STOM: variants seen among roughly 807,000 people sequenced by gnomAD.
STOM encodes the protein stomatin, also known as erythrocyte band 7 integral membrane protein.
STOM carries 25 observed loss-of-function variants against 30.6 expected under a neutral mutation model. That is an observed-to-expected ratio of 0.82 (90% CI 0.60 to 1.14). STOM has a LOEUF of 1.14. STOM is among the 50% of genes most tolerant of loss of function. The pLI, the probability that STOM is intolerant of heterozygous loss-of-function variation, is 0.00. For synonymous variants in STOM, 118 were observed against 130.8 expected (o/e 0.90, Z 0.67); for missense variants, 292 against 365.2 (o/e 0.80, Z 1.63).
intron 2 of STOM, among the ~76,000 whole-genome samples, chr9:121,355,796 C>T (rs1174033114): frequency 6.6e-6 from 1 of 152,240 alleles, no homozygotes. Flanking sequence ...AACCATCTCA[C>T]ATCCCTGGCC....
At chr9:121,341,734 C>CT (rs1442419554) in intron 6 of STOM, among the ~76,000 whole-genome samples, 1 of 152,160 alleles carries the variant, frequency 6.6e-6, no homozygotes, top group Non-Finnish European at 1.5e-5. Context: ...CAGGCAAATC[C>CT]TTTTGCAAGT....
intron 1 of STOM, among the ~76,000 whole-genome samples, chr9:121,369,062 T>C (rs112865957): frequency 2.0e-5 from 3 of 152,224 alleles, no homozygotes; most frequent in Admixed American, 6.5e-5. Flanking sequence ...GCAACGTTAT[T>C]AGTAGACAAA....
intron 1 of STOM, among the ~76,000 whole-genome samples, chr9:121,368,955 C>A (rs543891289): frequency 1.9e-3 from 281 of 150,518 alleles, no homozygotes; most frequent in Non-Finnish European, 2.9e-3. Context: ...AAAAGTGATA[C>A]GGAGCCTGAC....
chr9:121,347,400 G>A (rs951506459), intron 6 of STOM, among the ~76,000 whole-genome samples: 2 of 152,094 alleles, frequency 1.3e-5, no homozygotes, highest in Non-Finnish European at 2.9e-5. Flanking sequence ...ACCCATGCAG[G>A]GTTAAGACAT....
At chr9:121,352,985 C>T (rs919638588) in intron 4 of STOM, among the ~76,000 whole-genome samples, 8 of 152,048 alleles carry the variant, frequency 5.3e-5, no homozygotes, top group African/African-American at 1.5e-4. Flanking sequence ...CTCAGCTACT[C>T]GGGAGGCTGA....
intron 1 of STOM, among the ~76,000 whole-genome samples, chr9:121,365,952 T>C (rs905464801): frequency 6.6e-6 from 1 of 152,192 alleles, no homozygotes; most frequent in East Asian, 1.9e-4. Context: ...TTGGGGACTC[T>C]ATCTCTGGAG....
At chr9:121,349,348 AC>A (rs2064318471) in intron 4 of STOM, 25 bp from the exon 5 acceptor site, 1 of 1,607,420 alleles carries the variant, frequency 6.2e-7, no homozygotes, top group African/African-American at 1.3e-5. Flanking sequence ...AAGCAATTTT[AC>A]ATCTGTCAAC....
chr9:121,370,122 C>T lies in STOM; in HGVS notation c.61+5G>A. ...CGGGGGAGGGTCAGGGGACGCGGGA[C>T]TCACCCTTGAAGGAGTCGGGGAGCC... On this transcript the variant is annotated splice_donor_5th_base_variant and intron_variant, in intron 1 of 6. Coordinates refer to ENST00000286713, the MANE Select transcript of STOM (RefSeq NM_004099.6). 1 of 1,541,826 alleles carries T rather than the reference C, an allele frequency of 6.5e-7. No individual in the cohort carries two copies. Among genetic ancestry groups the T allele is most frequent in the Middle Eastern group, 2.1e-4 (1 of 4,786 alleles).
chr9:121,368,316 C>T (rs1015084402), intron 1 of STOM, among the ~76,000 whole-genome samples: 2 of 152,136 alleles, frequency 1.3e-5, no homozygotes, highest in Non-Finnish European at 2.9e-5. Flanking sequence ...TGTAAATAAA[C>T]ATTAAGTACA....
At chr9:121,353,093 A>C (rs569592725) in intron 4 of STOM, 127 bp downstream of exon 4, 1 of 402,254 alleles carries the variant, frequency 2.5e-6, no homozygotes, top group South Asian at 4.6e-5. Context: ...ATTCCAATTA[A>C]AACAAACAAA....
Position 121,349,337 on chromosome 9 carries a change from GAAGC to G in STOM, c.322-18_322-15del, listed in dbSNP as rs1249019876. The G allele has an allele frequency of 6.2e-7, 1 of 1,613,056 alleles. No individual in the cohort carries two copies. Among genetic ancestry groups the G allele is most frequent in the East Asian group, 2.2e-5 (1 of 44,864 alleles). On this transcript the variant is annotated splice_polypyrimidine_tract_variant and intron_variant, in intron 4 of 6. Coordinates refer to ENST00000286713, the MANE Select transcript of STOM (RefSeq NM_004099.6). The stretch of plus-strand genomic sequence containing the variant: ...CTTTGTGAGGATCTACAAGATGAAG[GAAGC>G]AATTTTACATCTGTCAACGACTTTT...
intron 2 of STOM, 45 bp from the exon 3 acceptor site, chr9:121,354,718 T>G (rs1285233124): frequency 4.3e-6 from 6 of 1,411,740 alleles, no homozygotes; most frequent in Non-Finnish European, 5.9e-6. Flanking sequence ...AGAGTACAAA[T>G]ATATACATGC....
At chr9:121,341,911 C>G (rs2064250402) in intron 6 of STOM, among the ~76,000 whole-genome samples, 1 of 152,194 alleles carries the variant, frequency 6.6e-6, no homozygotes, top group South Asian at 2.1e-4. Context: ...TTTCCATCTA[C>G]TTATTTATGT....
chr9:121,360,180 T>C (rs936267830), intron 1 of STOM, among the ~76,000 whole-genome samples: 1 of 152,218 alleles, frequency 6.6e-6, no homozygotes, highest in Non-Finnish European at 1.5e-5. Context: ...TAAAATAAAA[T>C]ACTTCTCAGC....
Position 121,353,313 on chromosome 9 carries a change from G to C in STOM, c.239-11C>G, listed in dbSNP as rs1293734869. On this transcript the variant is annotated splice_polypyrimidine_tract_variant and intron_variant, in intron 3 of 6. Coordinates refer to ENST00000286713, the MANE Select transcript of STOM (RefSeq NM_004099.6). ...GAATAAAAAACAAACCTGCAACAAA[G>C]ATACACACATTATACAGACACCAGC... The C allele has an allele frequency of 6.3e-7, 1 of 1,589,750 alleles. No homozygotes were observed. The highest frequency in any genetic ancestry group is 1.4e-5 in the African/African-American group (1 of 74,014).
At chr9:121,363,226 G>C (rs901167067) in intron 1 of STOM, among the ~76,000 whole-genome samples, 6 of 152,298 alleles carry the variant, frequency 3.9e-5, no homozygotes, top group East Asian at 3.9e-4. Context: ...AAATTGATGA[G>C]AGCAGTCCTG....
chr9:121,356,541 A>C (rs545220638), intron 1 of STOM, among the ~76,000 whole-genome samples: 1 of 152,346 alleles, frequency 6.6e-6, no homozygotes, highest in African/African-American at 2.4e-5. Context: ...GTACAGATAT[A>C]GAGTATCTGT....
intron 1 of STOM, chr9:121,366,217 G>A: frequency 1.0e-6 from 1 of 985,394 alleles, no homozygotes; most frequent in Non-Finnish European, 1.2e-6. Context: ...CTTCTGAAAT[G>A]TGAGGCCAAA....
chr9:121,354,532 T>C, intron 3 of STOM, 69 bp downstream of exon 3: 1 of 1,299,936 alleles, frequency 7.7e-7, no homozygotes, highest in South Asian at 1.3e-5. Flanking sequence ...AAAAAACAAC[T>C]ACCTAAAAAT....
Sources: allele counts gnomAD v4.1 joint callset (sites outside exome capture counted in the v4.1 genomes callset), GRCh38; gene constraint gnomAD v4.1.1; transcripts MANE v1.5; gene names NCBI Gene and HGNC (gene_info 2026-07-23, HGNC 2026-07-21).